NHSL2: variants seen among roughly 807,000 people sequenced by gnomAD.
NHSL2 encodes the protein NHS like 2, also known as NHS-like protein 2.
A neutral mutation model predicts 53.4 loss-of-function variants in NHSL2; 27 were observed. That is an observed-to-expected ratio of 0.51 (90% confidence interval 0.37 to 0.70). The LOEUF is 0.70. Ranked by LOEUF, NHSL2 falls within the 30% of genes least tolerant of loss-of-function variation. The pLI, the probability that NHSL2 is intolerant of heterozygous loss-of-function variation, is 0.00. For synonymous variants in NHSL2, 408 were observed against 404.1 expected, an observed-to-expected ratio of 1.01 and a Z score of -0.12; for missense variants, 892 against 980.1, an observed-to-expected ratio of 0.91 and a Z score of 1.20.
At chrX:72,051,207 A>G (rs73563866) in intron 1 of NHSL2, among the ~76,000 whole-genome samples, 1,703 of 112,328 alleles carry the variant, frequency 0.015, 22 homozygotes, top group African/African-American at 0.052. Context: ...GTATTCCATC[A>G]GATGAATAAT....
chrX:71,948,508 T>C (rs1343641877), intron 1 of NHSL2, among the ~76,000 whole-genome samples: 2 of 111,453 alleles, frequency 1.8e-5, no homozygotes, highest in Non-Finnish European at 3.8e-5. Context: ...CACTCATCCT[T>C]CGTAAAGTTT....
chrX:71,941,727 A>T (rs918089636), intron 1 of NHSL2, among the ~76,000 whole-genome samples: 2 of 112,384 alleles, frequency 1.8e-5, no homozygotes, highest in Non-Finnish European at 3.8e-5. Context: ...TGGGGGCCTA[A>T]TAGAATTTAG....
chrX:72,115,437 G>C (rs1432173800), intron 1 of NHSL2, among the ~76,000 whole-genome samples: 1 of 88,561 alleles, frequency 1.1e-5, no homozygotes, highest in Non-Finnish European at 2.2e-5. Context: ...GGGGCGGGGG[G>C]GGGGTGCGGG....
chrX:72,051,813 C>T lies in NHSL2; in HGVS notation c.281-80266C>T, dbSNP rs1424656182. Among the ~76,000 whole-genome samples the T allele has an allele frequency of 3.7e-5, 4 of 107,392 alleles. No homozygotes were observed. In the East Asian group the frequency reaches 1.2e-3, roughly 32 times the overall value. 93.3% of individuals were successfully genotyped at this position (107,392 alleles called of 115,157 possible). ...CCAACATGTCCCCACCTGTTGCCTG[C>T]ACACCTCTGGTCCTGCCACCATTCT... On this transcript the variant is annotated intron_variant, in intron 1 of 7. Coordinates refer to ENST00000633930, the MANE Select transcript of NHSL2 (RefSeq NM_001013627.3).
At chrX:71,989,467 G>A (rs1447054642) in intron 1 of NHSL2, among the ~76,000 whole-genome samples, 1 of 111,158 alleles carries the variant, frequency 9.0e-6, no homozygotes, top group African/African-American at 3.3e-5. Flanking sequence ...TCGTAGTCCT[G>A]GGAGGGAAAT....
chrX:72,134,275 C>T, intron 3 of NHSL2, 57 bp downstream of exon 3: 1 of 1,104,196 alleles, frequency 9.1e-7, no homozygotes, highest in South Asian at 2.1e-5. Context: ...GACAAGAGAC[C>T]TCCAGCTGCT....
chrX:72,000,176 G>A (rs186448055), intron 1 of NHSL2, among the ~76,000 whole-genome samples: 1 of 111,471 alleles, frequency 9.0e-6, no homozygotes, highest in East Asian at 2.8e-4. Context: ...TATGAATTAT[G>A]ATCTCATCAA....
At chrX:71,917,118 G>C (rs1434648498) in intron 1 of NHSL2, among the ~76,000 whole-genome samples, 2 of 112,264 alleles carry the variant, frequency 1.8e-5, no homozygotes, top group African/African-American at 6.5e-5. Flanking sequence ...CAAACAGGAG[G>C]TATGTTTATT....
chrX:71,943,878 A>G (rs187954033), intron 1 of NHSL2, among the ~76,000 whole-genome samples: 1 of 112,122 alleles, frequency 8.9e-6, no homozygotes, highest in Non-Finnish European at 1.9e-5. Flanking sequence ...TCCGTAGTGA[A>G]TTGGCTTTCA....
intron 1 of NHSL2, among the ~76,000 whole-genome samples, chrX:71,945,130 G>C (rs918839702): frequency 3.0e-4 from 34 of 112,080 alleles, no homozygotes; most frequent in African/African-American, 1.1e-3. Flanking sequence ...CAGTTGGGGG[G>C]GTCATCCGTT....
intron 1 of NHSL2, among the ~76,000 whole-genome samples, chrX:71,965,580 C>T (rs193213431): frequency 0.012 from 1,391 of 111,794 alleles, 31 homozygotes; most frequent in African/African-American, 0.042. Context: ...AATATTGAGG[C>T]GGTTATTCCA....
intron 3 of NHSL2, 116 bp downstream of exon 3, chrX:72,134,334 C>T: frequency 1.1e-6 from 1 of 895,390 alleles, no homozygotes; most frequent in Non-Finnish European, 1.5e-6. Flanking sequence ...GCAGAGCTAC[C>T]CTGAGGCCCC....
At position 71,972,012 on chromosome X, in the gene NHSL2, G is replaced by A. The variant is rs7881276; in HGVS notation, c.280+60645G>A. 5.8e-3 allele frequency among the ~76,000 whole-genome samples: 642 copies of A among 110,251 alleles called. 8 individuals carry two copies. The highest frequency in any genetic ancestry group is 0.02 in the African/African-American group (598 of 30,355). On this transcript the variant is annotated intron_variant, in intron 1 of 7. Transcript: ENST00000633930. The stretch of plus-strand genomic sequence containing the variant: ...GTGACAATGGATTCACTTAGTATTT[G>A]TTTCTATGGGAATGTCTTTATTTTA...
intron 1 of NHSL2, among the ~76,000 whole-genome samples, chrX:71,944,314 G>C (rs1244841072): frequency 8.9e-6 from 1 of 112,470 alleles, no homozygotes; most frequent in Non-Finnish European, 1.9e-5. Flanking sequence ...AAGGTGCAGA[G>C]GATGGCTGTG....
chrX:72,137,326 G>C (rs376930863), intron 5 of NHSL2, 101 bp downstream of exon 5: 2 of 807,529 alleles, frequency 2.5e-6, no homozygotes, highest in Non-Finnish European at 3.5e-6. Flanking sequence ...AGGAATAATT[G>C]GGTGGAGGAG....
Position 72,143,722 on chromosome X carries a change from T to A in NHSL2, c.*148T>A, listed in dbSNP as rs918321457. The A allele has an allele frequency of 2.4e-6, 1 of 419,117 alleles. No individual in the cohort carries two copies. The highest frequency in any genetic ancestry group is 4.2e-6 in the Non-Finnish European group (1 of 240,290). The allele number at this position is 419,117 out of a possible 1,213,427, so 34.5% of individuals were successfully genotyped here. A position where few individuals can be genotyped will look rare whatever the true frequency, so the allele number is the denominator to read the frequency against. On this transcript the variant is annotated 3_prime_UTR_variant, in exon 8 of 8. Coordinates refer to ENST00000633930, the MANE Select transcript of NHSL2 (RefSeq NM_001013627.3). ...TCTGGACAGCAGGAGAGAGGCTACT[T>A]CATCTAGAGCTAAAATCATCTGGCA...
At chrX:72,078,076 A>G (rs1164669586) in intron 1 of NHSL2, among the ~76,000 whole-genome samples, 2 of 112,970 alleles carry the variant, frequency 1.8e-5, no homozygotes, top group African/African-American at 6.4e-5. Context: ...CGTAGACTAC[A>G]TAAGTGATCT....
intron 1 of NHSL2, among the ~76,000 whole-genome samples, chrX:72,097,379 C>T (rs965952424): frequency 2.7e-5 from 3 of 112,035 alleles, no homozygotes; most frequent in Non-Finnish European, 5.6e-5. Context: ...CCTGACTCCC[C>T]GTCCAGTGTT....
At chrX:71,964,482 CTT>C (rs1296586707) in intron 1 of NHSL2, among the ~76,000 whole-genome samples, 1 of 111,245 alleles carries the variant, frequency 9.0e-6, no homozygotes, top group African/African-American at 3.3e-5. Context: ...ACAGGGCTCT[CTT>C]TGACTGAACA....
Sources: gnomAD v4.1 joint callset for allele counts (sites outside exome capture counted in the v4.1 genomes callset) on GRCh38, gnomAD v4.1.1 for gene constraint, MANE v1.5 for transcripts, NCBI Gene and HGNC (gene_info 2026-07-23, HGNC 2026-07-21) for gene names.